The following SEMA3A variants were observed in gnomAD, a reference collection of about 807,000 sequenced individuals.
SEMA3A encodes semaphorin-3A.
A neutral mutation model predicts 97.9 loss-of-function variants in SEMA3A; 29 were observed. The ratio of observed to expected loss-of-function variants is 0.30; its 90% CI spans 0.22 to 0.40. The LOEUF is 0.40. Ranked by LOEUF, SEMA3A falls within the 10% of genes least tolerant of loss-of-function variation. SEMA3A has a pLI of 1.00. For synonymous variants in SEMA3A, 321 were observed against 323.7 expected, an observed-to-expected ratio of 0.99 and a Z score of 0.09; for missense variants, 763 against 951.3, an observed-to-expected ratio of 0.80 and a Z score of 2.60.
At chr7:84,157,897 C>T (rs777282851) in intron 1 of SEMA3A, among the ~76,000 whole-genome samples, 5 of 152,078 alleles carry the variant, frequency 3.3e-5, no homozygotes, top group Admixed American at 6.6e-5. Context: ...AATTCCCTTG[C>T]GCAAACTTCG....
At chr7:84,304,691 T>A (rs1051216403) in intron 3 of SEMA3A, among the ~76,000 whole-genome samples, 3 of 152,050 alleles carry the variant, frequency 2.0e-5, no homozygotes, top group Non-Finnish European at 4.4e-5. Context: ...ACCTTGGAAT[T>A]CCAGTGCTAT....
At position 84,432,013 on chromosome 7, in the gene SEMA3A, C is replaced by T. The variant is rs368960821; in HGVS notation, c.-245-60113G>A. On this transcript the variant is annotated intron_variant, in intron 1 of 3. Coordinates refer to the SEMA3A transcript ENST00000424555. ...TATTAATGATAATGGAAGTTTTACA[C>T]ATAGGCAAAGAAGGGAGACTGTGGA... Among the ~76,000 whole-genome samples, 105 of 152,104 alleles carry T rather than the reference C, an allele frequency of 6.9e-4. 1 individual carries two copies. Among genetic ancestry groups the T allele is most frequent in the African/African-American group, 2.3e-3 (97 of 41,526 alleles).
chr7:84,191,323 A>C (rs1433104001), intron 1 of SEMA3A, among the ~76,000 whole-genome samples: 1 of 151,582 alleles, frequency 6.6e-6, no homozygotes, highest in Admixed American at 6.6e-5. Flanking sequence ...CTTCCTATGA[A>C]GTTAAGGTTA....
chr7:84,046,459 A>T lies in SEMA3A; in HGVS notation c.548-16T>A. On this transcript the variant is annotated splice_polypyrimidine_tract_variant and intron_variant, in intron 5 of 16. Transcript: ENST00000265362. ...AATTCTCCATCTGTGTTGTGACAAAACCACATACACATTCTTTAATTCAAT... is the reference window on the plus strand; with the variant it reads ...AATTCTCCATCTGTGTTGTGACAAATCCACATACACATTCTTTAATTCAAT... The T allele has an allele frequency of 1.2e-6, 2 of 1,611,436 alleles. No homozygotes were observed. The highest frequency in any genetic ancestry group is 1.7e-6 in the Non-Finnish European group (2 of 1,178,686).
At chr7:84,064,269 G>A (rs1488362592) in intron 4 of SEMA3A, among the ~76,000 whole-genome samples, 1 of 152,004 alleles carries the variant, frequency 6.6e-6, no homozygotes, top group Admixed American at 6.6e-5. Context: ...CCTGAAGGAA[G>A]CACTAAACAT....
At chr7:84,006,226 T>C (rs938166140) in intron 10 of SEMA3A, among the ~76,000 whole-genome samples, 1 of 152,144 alleles carries the variant, frequency 6.6e-6, no homozygotes, top group African/African-American at 2.4e-5. Context: ...AGAATAATTT[T>C]ATTGAATACA....
chr7:84,226,627 T>C (rs1798995465), intron 3 of SEMA3A, among the ~76,000 whole-genome samples: 1 of 152,168 alleles, frequency 6.6e-6, no homozygotes, highest in Admixed American at 6.6e-5. Flanking sequence ...TTATAGCCAA[T>C]ATTGTAGTCA....
chr7:84,038,408 T>G (rs2116480735), intron 6 of SEMA3A, among the ~76,000 whole-genome samples: 1 of 152,306 alleles, frequency 6.6e-6, no homozygotes, highest in South Asian at 2.1e-4. Context: ...CAACATCAAT[T>G]GAATTTTTTT....
chr7:84,051,440 G>A (rs1792648609), intron 5 of SEMA3A, among the ~76,000 whole-genome samples: 1 of 152,108 alleles, frequency 6.6e-6, no homozygotes, highest in African/African-American at 2.4e-5. Context: ...CTTGTAAGTT[G>A]GATTCCTAGG....
intron 1 of SEMA3A, among the ~76,000 whole-genome samples, chr7:84,477,021 G>A (rs1806302989): frequency 6.7e-6 from 1 of 148,176 alleles, no homozygotes; most frequent in Admixed American, 6.7e-5. Context: ...TTCCTCTGTA[G>A]AGTAAAAAGC....
At chr7:84,381,957 G>C (rs1177204866) in intron 1 of SEMA3A, among the ~76,000 whole-genome samples, 1 of 152,144 alleles carries the variant, frequency 6.6e-6, no homozygotes, top group Non-Finnish European at 1.5e-5. Flanking sequence ...AAAAGAACAA[G>C]AATTGGGTAG....
intron 2 of SEMA3A, 111 bp downstream of exon 2, chr7:84,134,683 T>C (rs1215819565): frequency 1.3e-6 from 1 of 795,036 alleles, no homozygotes; most frequent in African/African-American, 1.8e-5. Context: ...AGACAAACTA[T>C]TAATTCAAAA....
chr7:83,984,608 C>CTTTTTTTGTTT (rs1789553799), intron 13 of SEMA3A, among the ~76,000 whole-genome samples: 1 of 98,878 alleles, frequency 1.0e-5, no homozygotes, highest in Non-Finnish European at 1.9e-5. Context: ...GATTTTTCTG[C>CTTTTTTTGTTT]TTTTTTTTTT....
intron 1 of SEMA3A, among the ~76,000 whole-genome samples, chr7:84,396,568 T>C (rs1297449004): frequency 6.6e-6 from 1 of 151,980 alleles, no homozygotes; most frequent in African/African-American, 2.4e-5. Context: ...TATAATTTCA[T>C]GTAAGAACTA....
intron 1 of SEMA3A, among the ~76,000 whole-genome samples, chr7:84,185,626 G>A (rs550021369): frequency 1.2e-3 from 175 of 149,608 alleles, no homozygotes; most frequent in Middle Eastern, 3.4e-3. Flanking sequence ...GGGAGGTGGA[G>A]GTTACAGTGA....
At chr7:83,987,272 T>G (rs550171829) in intron 12 of SEMA3A, among the ~76,000 whole-genome samples, 1 of 152,092 alleles carries the variant, frequency 6.6e-6, no homozygotes, top group East Asian at 1.9e-4. Flanking sequence ...AAAAATCAAT[T>G]AAAAAGTGTA....
At chr7:84,438,097 A>C (rs1805182999) in intron 1 of SEMA3A, among the ~76,000 whole-genome samples, 1 of 152,058 alleles carries the variant, frequency 6.6e-6, no homozygotes, top group Non-Finnish European at 1.5e-5. Context: ...CTAAGACTTT[A>C]GACTAGGGGG....
chr7:84,218,353 T>C (rs1798798552), intron 3 of SEMA3A, among the ~76,000 whole-genome samples: 1 of 152,142 alleles, frequency 6.6e-6, no homozygotes, highest in African/African-American at 2.4e-5. Flanking sequence ...TACTTCAATC[T>C]GGAAAGCTAA....
intron 2 of SEMA3A, among the ~76,000 whole-genome samples, chr7:84,351,280 G>T (rs1177965793): frequency 6.6e-6 from 1 of 152,050 alleles, no homozygotes; most frequent in East Asian, 1.9e-4. Context: ...AGGTGGACTT[G>T]ATGGTTTGCT....
Sources: gnomAD v4.1 joint callset for allele counts (sites outside exome capture counted in the v4.1 genomes callset) on GRCh38, gnomAD v4.1.1 for gene constraint, MANE v1.5 for transcripts, NCBI Gene and HGNC (gene_info 2026-07-23, HGNC 2026-07-21) for gene names.